Variants in AKTIP observed in about 807,000 individuals in gnomAD.
AKTIP encodes AKT interacting protein.
AKTIP carries 16 observed loss-of-function variants against 39.1 expected under a neutral mutation model. The observed-to-expected ratio is 0.41, with a 90% CI of 0.28 to 0.62. The LOEUF is 0.62. Ranked by LOEUF, AKTIP falls within the 20% of genes least tolerant of loss-of-function variation. AKTIP has a pLI of 0.32. For synonymous variants in AKTIP, 93 were observed against 124.3 expected, an observed-to-expected ratio of 0.75 and a Z score of 1.67; for missense variants, 262 against 356.6, an observed-to-expected ratio of 0.73 and a Z score of 2.14.
At position 53,492,258 on chromosome 16, in the gene AKTIP, A is replaced by G. The variant is rs1961526121; in HGVS notation, c.*154T>C. 1 of 642,636 alleles carries G rather than the reference A, an allele frequency of 1.6e-6. No individual in the cohort carries two copies. The highest frequency in any genetic ancestry group is 1.8e-5 in the African/African-American group (1 of 54,642). 39.8% of individuals were successfully genotyped at this position (642,636 alleles called of 1,614,324 possible). ...GCATTACTTAGAGACAGGTTTCCAAACCCTGCTGTTAGAACCTATGCATAC... is the reference window on the plus strand; with the variant it reads ...GCATTACTTAGAGACAGGTTTCCAAGCCCTGCTGTTAGAACCTATGCATAC... On this transcript the variant is annotated 3_prime_UTR_variant, in exon 10 of 10. Coordinates refer to ENST00000394657, the MANE Select transcript of AKTIP (RefSeq NM_022476.4).
At position 53,492,727 on chromosome 16, in the gene AKTIP, T is replaced by G. The variant is rs767877058; in HGVS notation, c.737A>C (p.His246Pro). Residue 246 changes from histidine to proline, a missense_variant, in exon 9 of 10, where the codon CAT (histidine) becomes CCT (proline). Physicochemically the swap from His to Pro is moderately conservative, Grantham distance 77. Transcript: ENST00000394657. ...CAGCATCTTTTCTCTGGCTTCATCA[T>G]GTACAGAAGGATTCCATGGAGAAAA... ...ISFSPWNPSVHDEAREKMLTQ... is the reference protein window; with the variant it reads ...ISFSPWNPSVPDEAREKMLTQ... The G allele has an allele frequency of 6.2e-7, 1 of 1,614,116 alleles. No homozygotes were observed. The highest frequency in any genetic ancestry group is 8.5e-7 in the Non-Finnish European group (1 of 1,179,968).
intron 2 of AKTIP, among the ~76,000 whole-genome samples, chr16:53,499,181 T>C (rs1282570065): frequency 6.6e-6 from 1 of 152,236 alleles, no homozygotes; most frequent in African/African-American, 2.4e-5. Context: ...AAGGTCGACA[T>C]GAGTCAGAGA....
chr16:53,502,383 G>T (rs1024036444), intron 1 of AKTIP, among the ~76,000 whole-genome samples: 4 of 152,182 alleles, frequency 2.6e-5, no homozygotes, highest in Non-Finnish European at 5.9e-5. Flanking sequence ...GTTTGGCCAC[G>T]GCTGCATTCC....
At chr16:53,502,523 G>C (rs1184763673) in intron 1 of AKTIP, among the ~76,000 whole-genome samples, 1 of 151,968 alleles carries the variant, frequency 6.6e-6, no homozygotes, top group Non-Finnish European at 1.5e-5. Flanking sequence ...ACATCACCCC[G>C]AATCGGACTT....
Position 53,492,686 on chromosome 16 carries a change from C to CACTT in AKTIP, c.771+3_771+6dup. 75 of 1,613,506 alleles carry CACTT rather than the reference C, an allele frequency of 4.6e-5. No individual in the cohort carries two copies. In the African/African-American group the frequency reaches 6.8e-4, roughly 15 times the overall value. ...GTTAGCCATTTCATAAGTTGTTATC[C>CACTT]ACTTACTTTCTGAGTCAGCATCTTT... is the stretch of plus-strand genomic sequence containing the variant. On this transcript the variant is annotated splice_region_variant and intron_variant, in intron 9 of 9. Transcript: ENST00000394657.
chr16:53,500,699 G>A (rs1962116770), intron 1 of AKTIP, among the ~76,000 whole-genome samples: 1 of 152,126 alleles, frequency 6.6e-6, no homozygotes, highest in South Asian at 2.1e-4. Flanking sequence ...CTTCTGAAAT[G>A]ATGAATAACT....
In AKTIP at chr16:53,498,475, G is replaced by C. The variant is rs199548307; in HGVS notation, c.164C>G (p.Ser55Cys). ...TGTTGACTGTGCTGCTGGGGCAGGA[G>C]ATGTAGGCTTAGTTATGGGCAAAGC... The part of the protein sequence containing the change: ...KNALPITKPT[S>C]PAPAAQSTNG... The change falls in exon 3 of 10, where the codon TCT (serine) becomes TGT (cysteine). Residue 55 changes from serine to cysteine, a missense_variant. Ser to Cys is a moderately radical substitution (Grantham distance 112, BLOSUM62 -1). This residue lies in a region of AKTIP where 88 missense variants were observed against 132.1 expected (regional missense o/e 0.67). Coordinates refer to ENST00000394657, the MANE Select transcript of AKTIP (RefSeq NM_022476.4). 1 of 1,613,990 alleles carries C rather than the reference G, an allele frequency of 6.2e-7. No homozygotes were observed. The highest frequency in any genetic ancestry group is 8.5e-7 in the Non-Finnish European group (1 of 1,179,816).
chr16:53,492,244 A>AGAC lies in AKTIP; in HGVS notation c.*165_*167dup, dbSNP rs1376046281. ...CTGACAGAAGTAATGCATTACTTAG[A>AGAC]GACAGGTTTCCAAACCCTGCTGTTA... On this transcript the variant is annotated 3_prime_UTR_variant, in exon 10 of 10. Coordinates refer to ENST00000394657, the MANE Select transcript of AKTIP (RefSeq NM_022476.4). 1.7e-6 allele frequency: 1 copy of AGAC among 599,634 alleles called. No homozygotes were observed. Among genetic ancestry groups the AGAC allele is most frequent in the Non-Finnish European group, 2.9e-6 (1 of 340,402 alleles). The allele number at this position is 599,634 out of a possible 1,614,324, so 37.1% of individuals were successfully genotyped here. A position where few individuals can be genotyped will look rare whatever the true frequency, so the allele number is the denominator to read the frequency against.
intron 8 of AKTIP, 38 bp from the exon 9 acceptor site, chr16:53,492,791 GCTCA>G: frequency 1.3e-6 from 2 of 1,583,282 alleles, no homozygotes; most frequent in Non-Finnish European, 1.7e-6. Context: ...CTATTTGTTG[GCTCA>G]CTAAATTTCT....
intron 3 of AKTIP, 100 bp from the exon 4 acceptor site, chr16:53,495,426 G>A (rs1040532876): frequency 5.3e-6 from 6 of 1,130,472 alleles, no homozygotes; most frequent in African/African-American, 4.6e-5. Flanking sequence ...GCCCCTCAAT[G>A]GGCAGCTGAT....
At chr16:53,498,053 A>G (rs1276256651) in intron 3 of AKTIP, among the ~76,000 whole-genome samples, 1 of 152,212 alleles carries the variant, frequency 6.6e-6, no homozygotes, top group African/African-American at 2.4e-5. Context: ...CGGCCAATCT[A>G]CTGTAGGTTC....
upstream of AKTIP, among the ~76,000 whole-genome samples, chr16:53,503,412 T>C (rs749394854): frequency 3.1e-4 from 47 of 152,230 alleles, no homozygotes; most frequent in Admixed American, 1.1e-3. Flanking sequence ...AAGAACACAC[T>C]CGGTCCTGCA....
At chr16:53,494,918 C>T (rs780952110) in intron 5 of AKTIP, 155 bp downstream of exon 5, 12 of 786,978 alleles carry the variant, frequency 1.5e-5, no homozygotes, top group East Asian at 2.7e-5. Context: ...GATGGCATGC[C>T]GGAAGCTGCT....
rs1363913058 is a variant in AKTIP at position 53,493,994 on chromosome 16, CGAGTT to C, written c.710+139_710+143del. On this transcript the variant is annotated intron_variant, in intron 8 of 9. Coordinates refer to ENST00000394657, the MANE Select transcript of AKTIP (RefSeq NM_022476.4). ...AAGAGCCTCAAGAGGCATCAGAAAT[CGAGTT>C]GGCACCAAGTTATAAAGGTTGTAGG... 3 of 620,266 alleles carry C rather than the reference CGAGTT, an allele frequency of 4.8e-6. No homozygotes were observed. The African/African-American group carries it at 5.5e-5, about 11-fold the overall frequency. 38.4% of individuals were successfully genotyped at this position (620,266 alleles called of 1,614,324 possible).
intron 1 of AKTIP, chr16:53,502,638 G>A (rs1400903876): frequency 1.3e-5 from 2 of 152,222 alleles, no homozygotes; most frequent in Admixed American, 6.5e-5. Flanking sequence ...CGGCGGCCTC[G>A]GACCGGCACC....
intron 3 of AKTIP, among the ~76,000 whole-genome samples, chr16:53,496,971 A>T (rs957168069): frequency 6.7e-6 from 1 of 149,728 alleles, no homozygotes; most frequent in Non-Finnish European, 1.5e-5. Flanking sequence ...GAAATTTTTA[A>T]TTTTTTTTTT....
At chr16:53,494,813 AC>A in intron 5 of AKTIP, 1 of 707,038 alleles carries the variant, frequency 1.4e-6, no homozygotes, top group Non-Finnish European at 2.5e-6. Flanking sequence ...CCTCTCCTCC[AC>A]TAGAGCCTGA....
Position 53,494,366 on chromosome 16 carries a change from C to T in AKTIP, c.575G>A (p.Ser192Asn), listed in dbSNP as rs1259542641. 1 of 1,614,052 alleles carries T rather than the reference C, an allele frequency of 6.2e-7. No homozygotes were observed. Among genetic ancestry groups the T allele is most frequent in the Non-Finnish European group, 8.5e-7 (1 of 1,180,028 alleles). The change falls in exon 7 of 10, where the codon AGC becomes AAC. Residue 192 changes from serine to asparagine, a missense_variant. Physicochemically the swap from Ser to Asn is conservative, Grantham distance 46. This residue lies in a region of AKTIP where 145 missense variants were observed against 159.3 expected (regional missense o/e 0.91). Transcript: ENST00000394657. ...RRVFYKIDTA[S>N]PLNPEAAVLY... ...TACTGCAGCCTCTGGGTTCAGGGGGCTTGCTGTATCAATCTTGTAGAAAAC... is the reference window on the plus strand; with the variant it reads ...TACTGCAGCCTCTGGGTTCAGGGGGTTTGCTGTATCAATCTTGTAGAAAAC...
chr16:53,495,846 CA>C, intron 3 of AKTIP, among the ~76,000 whole-genome samples: 1 of 152,334 alleles, frequency 6.6e-6, no homozygotes, highest in Admixed American at 6.5e-5. Flanking sequence ...ATTTTAATCA[CA>C]AGATCCCACA....
Sources: gnomAD v4.1 joint callset for allele counts (sites outside exome capture counted in the v4.1 genomes callset) on GRCh38, gnomAD v4.1.1 for gene constraint, gnomAD v4.1.1 regional missense constraint, MANE v1.5 for transcripts, NCBI Gene and HGNC (gene_info 2026-07-23, HGNC 2026-07-21) for gene names.